The following NCAM2 variants were observed in gnomAD, a reference collection of about 807,000 sequenced individuals.
The protein encoded by NCAM2 is neural cell adhesion molecule 2, also known as N-CAM-2.
NCAM2 carries 30 observed loss-of-function variants against 98.1 expected under a neutral mutation model. The ratio of observed to expected loss-of-function variants is 0.31; its 90% CI spans 0.23 to 0.41. NCAM2 has a LOEUF of 0.41. NCAM2 is among the 10% of genes least tolerant of loss of function. NCAM2 has a pLI of 1.00. For missense variants in NCAM2, 867 were observed against 1,005.8 expected (o/e 0.86, Z 1.87); for synonymous variants, 368 against 342.4 (o/e 1.07, Z -0.83).
intron 9 of NCAM2, among the ~76,000 whole-genome samples, chr21:21,376,783 A>T (rs2076042172): frequency 6.6e-6 from 1 of 151,768 alleles, no homozygotes; most frequent in African/African-American, 2.4e-5. Context: ...CTGCTTAATT[A>T]TTCCAAGGTA....
At chr21:21,050,889 C>T (rs1389440646) in intron 1 of NCAM2, among the ~76,000 whole-genome samples, 2 of 152,132 alleles carry the variant, frequency 1.3e-5, no homozygotes, top group South Asian at 4.1e-4. Context: ...ATTACAATAT[C>T]AAAATGAATT....
intron 12 of NCAM2, among the ~76,000 whole-genome samples, chr21:21,448,260 T>G (rs115751186): frequency 6.6e-6 from 1 of 152,144 alleles, no homozygotes; most frequent in African/African-American, 2.4e-5. Context: ...TGAATGAAGT[T>G]GGAATCCATC....
chr21:21,333,235 A>G (rs2147849665), intron 6 of NCAM2, among the ~76,000 whole-genome samples: 1 of 152,288 alleles, frequency 6.6e-6, no homozygotes, highest in Non-Finnish European at 1.5e-5. Context: ...TGATGGCTTA[A>G]TTATATTTCC....
At chr21:21,238,189 T>G (rs2147222338) in intron 1 of NCAM2, among the ~76,000 whole-genome samples, 1 of 152,230 alleles carries the variant, frequency 6.6e-6, no homozygotes, top group South Asian at 2.1e-4. Flanking sequence ...ACTCCTGACC[T>G]CAGGTGATAC....
At chr21:21,164,000 T>G (rs1451181841) in intron 1 of NCAM2, among the ~76,000 whole-genome samples, 1 of 152,120 alleles carries the variant, frequency 6.6e-6, no homozygotes, top group Non-Finnish European at 1.5e-5. Context: ...TAATAACGAT[T>G]CCTGGAATCA....
At position 21,259,183 on chromosome 21, in the gene NCAM2, C is replaced by A. The variant is rs149150811; in HGVS notation, c.56-21395C>A. On this transcript the variant is annotated intron_variant, in intron 1 of 17. Coordinates refer to ENST00000400546, the MANE Select transcript of NCAM2 (RefSeq NM_004540.5). ...AAAAGAGTGGGGCCCAACTTCCCCT[C>A]CCAACACAGTGTGGCAGCATCCCAG... 8.9e-3 allele frequency among the ~76,000 whole-genome samples: 1,358 copies of A among 152,224 alleles called. 10 individuals are homozygous for A. Among genetic ancestry groups the A allele is most frequent in the Middle Eastern group, 0.024 (7 of 294 alleles).
At chr21:21,217,544 GA>G (rs748519779) in intron 1 of NCAM2, among the ~76,000 whole-genome samples, 1 of 152,116 alleles carries the variant, frequency 6.6e-6, no homozygotes, top group Non-Finnish European at 1.5e-5. Context: ...GGAGAATTCT[GA>G]AAGTGGTTTC....
chr21:21,326,976 TA>T (rs1365664824), intron 6 of NCAM2, among the ~76,000 whole-genome samples: 2 of 152,136 alleles, frequency 1.3e-5, no homozygotes, highest in African/African-American at 2.4e-5. Flanking sequence ...TTCATAGAGA[TA>T]ATATTTCCAA....
chr21:21,168,694 A>G (rs1420038971), intron 1 of NCAM2, among the ~76,000 whole-genome samples: 2 of 149,172 alleles, frequency 1.3e-5, no homozygotes, highest in African/African-American at 4.9e-5. Context: ...ACATTACTAT[A>G]TTAATACTTT....
chr21:21,130,568 A>T (rs1437561416), intron 1 of NCAM2, among the ~76,000 whole-genome samples: 1 of 152,158 alleles, frequency 6.6e-6, no homozygotes, highest in South Asian at 2.1e-4. Flanking sequence ...CCGATAGATT[A>T]TTGGTAATCT....
At chr21:21,288,906 A>G (rs2073195208) in intron 4 of NCAM2, among the ~76,000 whole-genome samples, 1 of 151,954 alleles carries the variant, frequency 6.6e-6, no homozygotes, top group African/African-American at 2.4e-5. Flanking sequence ...GATATTCAGA[A>G]TTAAACTTCC....
intron 12 of NCAM2, among the ~76,000 whole-genome samples, chr21:21,458,987 A>T (rs566744745): frequency 3.3e-5 from 5 of 152,194 alleles, no homozygotes; most frequent in Admixed American, 1.3e-4. Context: ...TGAAAAATTC[A>T]TACAACTCAA....
At chr21:21,256,175 C>A (rs1173116611) in intron 1 of NCAM2, among the ~76,000 whole-genome samples, 2 of 151,814 alleles carry the variant, frequency 1.3e-5, no homozygotes, top group Non-Finnish European at 1.5e-5. Flanking sequence ...GCCAACATGG[C>A]AAAACCGCAT....
chr21:21,172,506 T>G (rs2068157372), intron 1 of NCAM2, among the ~76,000 whole-genome samples: 1 of 152,144 alleles, frequency 6.6e-6, no homozygotes, highest in African/African-American at 2.4e-5. Flanking sequence ...TAGCATATAC[T>G]TTACATGTAC....
At chr21:21,388,764 A>G (rs1427942855) in intron 9 of NCAM2, among the ~76,000 whole-genome samples, 1 of 152,208 alleles carries the variant, frequency 6.6e-6, no homozygotes, top group Non-Finnish European at 1.5e-5. Flanking sequence ...GTTGTACATT[A>G]TATAAAATCT....
chr21:21,450,726 C>T (rs1415617068), intron 12 of NCAM2, among the ~76,000 whole-genome samples: 2 of 151,610 alleles, frequency 1.3e-5, no homozygotes, highest in African/African-American at 2.4e-5. Flanking sequence ...ATGCATTTTA[C>T]TTTCTTACAG....
rs1602569193 is a variant in NCAM2, at chr21:21,530,144, TTTAA to T, written c.2283-4389_2283-4386del. Among the ~76,000 whole-genome samples, 3 of 143,538 alleles carry T rather than the reference TTTAA, an allele frequency of 2.1e-5. No individual in the cohort carries two copies. The East Asian group carries it at 5.9e-4, about 28-fold the overall frequency. 94.2% of individuals were successfully genotyped at this position (143,538 alleles called of 152,430 possible). On this transcript the variant is annotated intron_variant, in intron 16 of 17. Coordinates refer to ENST00000400546, the MANE Select transcript of NCAM2 (RefSeq NM_004540.5). ...TTTAATTATATATGATTTAATTTAA[TTTAA>T]TTATATATGATTTAATTTAATTTAA... is the stretch of plus-strand genomic sequence containing the variant.
chr21:21,431,127 G>GTGTGTGTGTGTGTGTGTGTGTGTA (rs1245832803), intron 11 of NCAM2, among the ~76,000 whole-genome samples: 1 of 148,688 alleles, frequency 6.7e-6, no homozygotes, highest in African/African-American at 2.5e-5. Context: ...ATATGTTTGT[G>GTGTGTGTGTGTGTGTGTGTGTGTA]TGTGTGTGTG....
intron 1 of NCAM2, among the ~76,000 whole-genome samples, chr21:21,109,505 T>G (rs1158792806): frequency 6.6e-6 from 1 of 152,124 alleles, no homozygotes; most frequent in Non-Finnish European, 1.5e-5. Context: ...TTTCTAAAAG[T>G]ATTTCTAATT....
Sources: allele counts gnomAD v4.1 joint callset (sites outside exome capture counted in the v4.1 genomes callset), GRCh38; gene constraint gnomAD v4.1.1; transcripts MANE v1.5; gene names NCBI Gene and HGNC (gene_info 2026-07-23, HGNC 2026-07-21).